FGD5: variants seen among roughly 807,000 people sequenced by gnomAD.
FGD5 encodes FYVE, RhoGEF and PH domain-containing protein 5.
Under a neutral mutation model 133.4 loss-of-function variants are expected in FGD5, and 28 were observed. The observed-to-expected ratio is 0.21, with a 90% confidence interval of 0.16 to 0.29. The LOEUF (loss-of-function observed/expected upper bound fraction) is 0.29, where lower values mean the gene tolerates loss of function less well. Among genes scored for constraint, FGD5 ranks in the 10% least tolerant of loss-of-function variants. FGD5 has a pLI of 1.00. For missense variants in FGD5, 1,858 were observed against 1,895.2 expected (o/e 0.98, Z 0.36); for synonymous variants, 810 against 776.5 (o/e 1.04, Z -0.72).
At chr3:14,858,803 A>G (rs1014328270) in intron 1 of FGD5, among the ~76,000 whole-genome samples, 9 of 152,222 alleles carry the variant, frequency 5.9e-5, no homozygotes, top group African/African-American at 1.9e-4. Flanking sequence ...TTACTTGCCC[A>G]GGACACAGTT....
chr3:14,876,086 C>A (rs1339143708), intron 2 of FGD5, among the ~76,000 whole-genome samples: 1 of 152,194 alleles, frequency 6.6e-6, no homozygotes, highest in African/African-American at 2.4e-5. Context: ...AGATAGGCAT[C>A]TTGAGGTTGT....
Position 14,821,610 on chromosome 3 carries a change from T to A in FGD5, c.2525+14T>A. 3 of 1,558,358 alleles carry A rather than the reference T, an allele frequency of 1.9e-6. No individual in the cohort carries two copies. The highest frequency in any genetic ancestry group is 1.2e-5 in the South Asian group (1 of 83,168). On this transcript the variant is annotated intron_variant, in intron 1 of 19. Coordinates refer to ENST00000285046, the MANE Select transcript of FGD5 (RefSeq NM_152536.4). ...GGACGCAGAAAGGTACCTGACATTCTATTTCCTTTCTTGTTCGGCAGCTGT... is the reference window on the plus strand; with the variant it reads ...GGACGCAGAAAGGTACCTGACATTCAATTTCCTTTCTTGTTCGGCAGCTGT...
Position 14,922,136 on chromosome 3 carries a change from G to C in FGD5, c.3669+119G>C. Reference sequence around the variant, plus strand: ...GTGTAGCTCCTGTCTTGGGGCACTGGCTCCCCCCACACCCCTGCCATGCTC... The same window carrying C: ...GTGTAGCTCCTGTCTTGGGGCACTGCCTCCCCCCACACCCCTGCCATGCTC... On this transcript the variant is annotated intron_variant, in intron 14 of 19. Coordinates refer to ENST00000285046, the MANE Select transcript of FGD5 (RefSeq NM_152536.4). This position sits in a 1 kb window ranked among gnomAD's most constrained non-coding sequence, Gnocchi z 4.1. 1 of 1,172,330 alleles carries C rather than the reference G, an allele frequency of 8.5e-7. No homozygotes were observed. Among genetic ancestry groups the C allele is most frequent in the East Asian group, 2.6e-5 (1 of 39,142 alleles). 72.6% of individuals were successfully genotyped at this position (1,172,330 alleles called of 1,614,324 possible). A position where few individuals can be genotyped will look rare whatever the true frequency, so the allele number is the denominator to read the frequency against.
At chr3:14,853,636 C>CTTTTTTTTTTTTTTTTTT (rs34008934) in intron 1 of FGD5, among the ~76,000 whole-genome samples, 10 of 37,126 alleles carry the variant, frequency 2.7e-4, no homozygotes, top group East Asian at 2.5e-3. Flanking sequence ...AAAAGCGTTC[C>CTTTTTTTTTTTTTTTTTT]TTTTTTTTTT....
intron 1 of FGD5, among the ~76,000 whole-genome samples, chr3:14,830,150 G>GT (rs1339313406): frequency 1.3e-5 from 2 of 152,132 alleles, no homozygotes; most frequent in Non-Finnish European, 2.9e-5. Context: ...CTGTTATTAT[G>GT]TTTTTGACAA....
In FGD5 at chr3:14,921,995, C is replaced by G. The variant is rs1171645344; in HGVS notation, c.3647C>G (p.Ala1216Gly). 1 of 1,563,642 alleles carries G rather than the reference C, an allele frequency of 6.4e-7. No homozygotes were observed. The highest frequency in any genetic ancestry group is 1.4e-5 in the African/African-American group (1 of 73,612). Reference sequence around the variant, plus strand: ...GAGGACTACAAGGCCCAGGCGCTGGCTGCATTCCACCATAGCGTGGAGGTG... The same window carrying G: ...GAGGACTACAAGGCCCAGGCGCTGGGTGCATTCCACCATAGCGTGGAGGTG... Reference protein sequence around the residue: ...LPEDYKAQALAAFHHSVEIRE... With the variant: ...LPEDYKAQALGAFHHSVEIRE... The change falls in exon 14 of 20, where the codon GCT (alanine) becomes GGT (glycine). Residue 1216 changes from alanine to glycine, a missense_variant. By Grantham distance (60) the Ala-to-Gly change is moderately conservative. Around this residue, in one of 3 missense-constraint regions of FGD5, gnomAD observed 1,824 missense variants for 1,848.9 expected, o/e 0.99. Transcript: ENST00000285046.
At chr3:14,906,163 C>T (rs1006012818) in intron 9 of FGD5, among the ~76,000 whole-genome samples, 1 of 152,182 alleles carries the variant, frequency 6.6e-6, no homozygotes, top group African/African-American at 2.4e-5. Context: ...AAGGCCCTCT[C>T]CCCATGTTCT....
chr3:14,890,644 T>G (rs1386337158), intron 4 of FGD5, among the ~76,000 whole-genome samples: 2 of 152,160 alleles, frequency 1.3e-5, no homozygotes, highest in Non-Finnish European at 2.9e-5. Context: ...GAACGGATGT[T>G]TGTGACAATT....
At chr3:14,892,448 G>A (rs1460773823) in intron 4 of FGD5, among the ~76,000 whole-genome samples, 1 of 152,128 alleles carries the variant, frequency 6.6e-6, no homozygotes, top group East Asian at 1.9e-4. Context: ...ATCCTCCCGT[G>A]TTGGCCTTTG....
intron 18 of FGD5, chr3:14,931,519 CCTT>C (rs780754373): frequency 6.6e-6 from 1 of 152,132 alleles, no homozygotes; most frequent in African/African-American, 2.4e-5. Context: ...ACCGTACTCC[CCTT>C]CTTCTTCCTC....
chr3:14,892,127 G>A (rs549357811), intron 4 of FGD5, among the ~76,000 whole-genome samples: 31 of 152,066 alleles, frequency 2.0e-4, no homozygotes, highest in Non-Finnish European at 3.1e-4. Context: ...AAGGCTTCCT[G>A]GAGGAAGGGC....
At chr3:14,835,400 T>G (rs906833743) in intron 1 of FGD5, among the ~76,000 whole-genome samples, 1 of 151,942 alleles carries the variant, frequency 6.6e-6, no homozygotes, top group Non-Finnish European at 1.5e-5. Context: ...CTTGGAAGGC[T>G]GAGGCACAAA....
Position 14,922,199 on chromosome 3 carries a change from G to T in FGD5, c.3669+182G>T, listed in dbSNP as rs1043311078. On this transcript the variant is annotated intron_variant, in intron 14 of 19. Transcript: ENST00000285046. This position sits in a 1 kb window ranked among gnomAD's most constrained non-coding sequence, Gnocchi z 4.1. ...GGGGCGGCCTCCGTGTAACCTAGGA[G>T]CCCAGCACCCACAGTCTTGTTCTCA... 1.0e-5 allele frequency: 10 copies of T among 972,108 alleles called. No homozygotes were observed. In the African/African-American group the frequency reaches 1.5e-4, roughly 14 times the overall value. 60.2% of individuals were successfully genotyped at this position (972,108 alleles called of 1,614,324 possible).
At chr3:14,872,180 G>A (rs991793834) in intron 2 of FGD5, among the ~76,000 whole-genome samples, 2 of 152,196 alleles carry the variant, frequency 1.3e-5, no homozygotes, top group Non-Finnish European at 2.9e-5. Context: ...GAACTTAACA[G>A]TTGAGTTGGA....
In FGD5 at chr3:14,917,317, T is replaced by C; in HGVS notation, c.3474T>C (p.Ala1158=). The change falls in exon 12 of 20, where the codon GCT becomes GCC. Residue 1158 remains alanine, a synonymous_variant. Coordinates refer to ENST00000285046, the MANE Select transcript of FGD5 (RefSeq NM_152536.4). This position sits in a 1 kb window ranked among gnomAD's most constrained non-coding sequence, Gnocchi z 4.1. ...DGKYRLKNTL[A]VANMKVSRPV... is the part of the protein sequence containing the mutation. ...AGTACCGGCTGAAGAACACATTGGC[T>C]GTGGCCAACATGAAGGTAAATATCT... 1 of 1,613,290 alleles carries C rather than the reference T, an allele frequency of 6.2e-7. No homozygotes were observed. The highest frequency in any genetic ancestry group is 8.5e-7 in the Non-Finnish European group (1 of 1,179,640).
chr3:14,879,874 A>C (rs193000430), intron 2 of FGD5, among the ~76,000 whole-genome samples: 2 of 152,210 alleles, frequency 1.3e-5, no homozygotes, highest in Non-Finnish European at 2.9e-5. Context: ...CAGCATGTAC[A>C]AAAGCAAGAG....
chr3:14,907,580 G>T, intron 9 of FGD5, 60 bp from the exon 10 acceptor site: 1 of 1,493,060 alleles, frequency 6.7e-7, no homozygotes, highest in Non-Finnish European at 9.3e-7. Context: ...CCTTACAGAG[G>T]AGATAAGACG....
intron 13 of FGD5, among the ~76,000 whole-genome samples, chr3:14,920,062 C>G (rs1483746433): frequency 6.6e-6 from 1 of 152,030 alleles, no homozygotes; most frequent in Non-Finnish European, 1.5e-5. Flanking sequence ...GGCTTCAGAC[C>G]ATGACCTTAA....
At chr3:14,846,071 T>A (rs750388290) in intron 1 of FGD5, among the ~76,000 whole-genome samples, 1 of 152,216 alleles carries the variant, frequency 6.6e-6, no homozygotes, top group Non-Finnish European at 1.5e-5. Flanking sequence ...TCTTCCCTAT[T>A]TGATGAAACT....
Sources: gnomAD v4.1 joint callset for allele counts (sites outside exome capture counted in the v4.1 genomes callset) on GRCh38, gnomAD v4.1.1 for gene constraint, gnomAD v4.1.1 regional missense constraint, Gnocchi (gnomAD v3.1) non-coding constraint, MANE v1.5 for transcripts, NCBI Gene and HGNC (gene_info 2026-07-23, HGNC 2026-07-21) for gene names.